HTR4: variants seen among roughly 807,000 people sequenced by gnomAD.
HTR4 encodes the protein 5-hydroxytryptamine receptor 4, also known as 5-hydroxytryptamine (serotonin) receptor 4, G protein-coupled.
Under a neutral mutation model 36.8 loss-of-function variants are expected in HTR4, and 16 were observed. The observed-to-expected ratio is 0.43, with a 90% confidence interval of 0.29 to 0.66. HTR4 has a LOEUF of 0.66. Among genes scored for constraint, HTR4 ranks in the 30% least tolerant of loss-of-function variants. The pLI, the probability that HTR4 is intolerant of heterozygous loss-of-function variation, is 0.13. For synonymous variants in HTR4, 189 were observed against 185.1 expected, an observed-to-expected ratio of 1.02 and a Z score of -0.17; for missense variants, 438 against 490.9, an observed-to-expected ratio of 0.89 and a Z score of 1.02.
intron 4 of HTR4, among the ~76,000 whole-genome samples, chr5:148,534,169 T>C (rs942226651): frequency 1.2e-4 from 19 of 152,202 alleles, no homozygotes; most frequent in African/African-American, 4.3e-4. Flanking sequence ...AGGTCATGTA[T>C]AGCTTGGCAA....
intron 2 of HTR4, among the ~76,000 whole-genome samples, chr5:148,612,856 C>T (rs1204959714): frequency 4.2e-5 from 6 of 143,400 alleles, no homozygotes; most frequent in African/African-American, 7.8e-5. Flanking sequence ...ATATCACCAC[C>T]GATCCCACAG....
intron 4 of HTR4, among the ~76,000 whole-genome samples, chr5:148,539,748 A>C (rs955487926): frequency 6.6e-6 from 1 of 152,176 alleles, no homozygotes; most frequent in Non-Finnish European, 1.5e-5. Flanking sequence ...TGAGGAAAAA[A>C]GGGAACATTT....
intron 6 of HTR4, among the ~76,000 whole-genome samples, chr5:148,508,451 A>T (rs185010402): frequency 1.3e-5 from 2 of 152,034 alleles, no homozygotes; most frequent in East Asian, 3.9e-4. Context: ...AGTCACTTCC[A>T]CCTCCATCCA....
intron 5 of HTR4, among the ~76,000 whole-genome samples, chr5:148,467,432 A>G (rs909321526): frequency 1.3e-5 from 2 of 152,188 alleles, no homozygotes; most frequent in Admixed American, 6.5e-5. Context: ...AGTGTGCACC[A>G]TGTAGATAAT....
chr5:148,638,902 A>G (rs1324687178), intron 1 of HTR4, among the ~76,000 whole-genome samples: 1 of 151,722 alleles, frequency 6.6e-6, no homozygotes, highest in African/African-American at 2.4e-5. Flanking sequence ...AAAAAATTAG[A>G]TGGGCGTGGT....
rs1158809812 is a variant in HTR4, at chr5:148,453,864, C to A, written c.1077-2592G>T. Among the ~76,000 whole-genome samples the A allele has an allele frequency of 2.0e-5, 3 of 152,162 alleles. No individual in the cohort carries two copies. The East Asian group carries it at 5.8e-4, about 29-fold the overall frequency. On this transcript the variant is annotated intron_variant, in intron 5 of 5. Coordinates refer to the HTR4 transcript ENST00000521530. ...AGTGAGACCAATTAGGAGTTTACAG[C>A]AATAATCCAGGTGAGAGAAGACAGT...
chr5:148,538,463 T>C (rs774218913), intron 4 of HTR4, among the ~76,000 whole-genome samples: 12 of 152,280 alleles, frequency 7.9e-5, no homozygotes, highest in Non-Finnish European at 4.4e-5. Context: ...CATGATTCTA[T>C]ATCTAGAAAA....
At chr5:148,639,047 A>G (rs1753643532) in intron 1 of HTR4, among the ~76,000 whole-genome samples, 1 of 152,046 alleles carries the variant, frequency 6.6e-6, no homozygotes, top group Non-Finnish European at 1.5e-5. Flanking sequence ...ACCCTGTCTC[A>G]AGAAAAAGAA....
At chr5:148,609,862 G>C (rs1032600257) in intron 2 of HTR4, among the ~76,000 whole-genome samples, 1 of 152,106 alleles carries the variant, frequency 6.6e-6, no homozygotes, top group African/African-American at 2.4e-5. Flanking sequence ...CACCACGCCC[G>C]GCCCATGAGC....
intron 5 of HTR4, among the ~76,000 whole-genome samples, chr5:148,519,770 C>A (rs1420919676): frequency 1.3e-5 from 2 of 152,082 alleles, no homozygotes; most frequent in Non-Finnish European, 2.9e-5. Flanking sequence ...AACAAGTGTC[C>A]TTTTTGCTAT....
intron 5 of HTR4, among the ~76,000 whole-genome samples, chr5:148,515,482 A>G (rs1757698384): frequency 1.3e-5 from 2 of 152,146 alleles, no homozygotes; most frequent in South Asian, 4.1e-4. Flanking sequence ...TTTTTGACTG[A>G]AAAATTCCCA....
chr5:148,511,904 A>G (rs1031310352), intron 5 of HTR4, among the ~76,000 whole-genome samples: 13 of 152,116 alleles, frequency 8.5e-5, no homozygotes, highest in African/African-American at 3.1e-4. Context: ...AAAATACTCC[A>G]TGTGTTTTTG....
intron 2 of HTR4, among the ~76,000 whole-genome samples, chr5:148,576,269 T>G (rs575298137): frequency 1.3e-5 from 2 of 150,752 alleles, no homozygotes; most frequent in East Asian, 3.9e-4. Flanking sequence ...ACCATGGAAG[T>G]GAAAGATCTC....
At chr5:148,616,014 A>G (rs930081556) in intron 2 of HTR4, among the ~76,000 whole-genome samples, 2 of 152,182 alleles carry the variant, frequency 1.3e-5, no homozygotes, top group Non-Finnish European at 2.9e-5. Context: ...ATAAAGGACA[A>G]GACTTTACAG....
intron 6 of HTR4, among the ~76,000 whole-genome samples, chr5:148,506,477 T>A (rs1757222215): frequency 6.6e-6 from 1 of 152,056 alleles, no homozygotes; most frequent in African/African-American, 2.4e-5. Flanking sequence ...GGACTACATG[T>A]CTAAAACACC....
intron 4 of HTR4, among the ~76,000 whole-genome samples, chr5:148,523,709 A>T (rs1758132829): frequency 1.3e-5 from 2 of 152,122 alleles, no homozygotes; most frequent in Admixed American, 1.3e-4. Context: ...CATTGCCTGC[A>T]GTTGGCCCCA....
At chr5:148,590,336 T>A (rs1761517407) in intron 2 of HTR4, among the ~76,000 whole-genome samples, 1 of 145,272 alleles carries the variant, frequency 6.9e-6, no homozygotes, top group African/African-American at 2.6e-5. Context: ...TTTGCTCTTG[T>A]TGCCCAGGCT....
At chr5:148,475,815 A>T (rs1755680419), downstream of HTR4, among the ~76,000 whole-genome samples, 1 of 152,220 alleles carries the variant, frequency 6.6e-6, no homozygotes, top group African/African-American at 2.4e-5. Flanking sequence ...ACTGTGTGCC[A>T]CTATTTATAT....
intron 4 of HTR4, among the ~76,000 whole-genome samples, chr5:148,540,748 G>A (rs1447112739): frequency 6.6e-6 from 1 of 151,948 alleles, no homozygotes; most frequent in Non-Finnish European, 1.5e-5. Flanking sequence ...GTGTGTGAAA[G>A]GGGTGAGGGA....
Sources: allele counts gnomAD v4.1 joint callset (sites outside exome capture counted in the v4.1 genomes callset), GRCh38; gene constraint gnomAD v4.1.1; transcripts MANE v1.5; gene names NCBI Gene and HGNC (gene_info 2026-07-23, HGNC 2026-07-21).